The following MRPL17 variants were observed in gnomAD, a reference collection of about 807,000 sequenced individuals.
MRPL17 encodes the protein large ribosomal subunit protein bL17m.
MRPL17 carries 8 observed loss-of-function variants against 12.0 expected under a neutral mutation model. The ratio of observed to expected loss-of-function variants is 0.67; its 90% CI spans 0.39 to 1.21. The LOEUF (loss-of-function observed/expected upper bound fraction) is 1.21. Ranked by LOEUF, MRPL17 falls within the 50% of genes most tolerant of loss-of-function variation. MRPL17 has a pLI of 0.01. For missense variants in MRPL17, 263 were observed against 234.4 expected, an observed-to-expected ratio of 1.12 and a Z score of -0.80; for synonymous variants, 107 against 92.9, an observed-to-expected ratio of 1.15 and a Z score of -0.87.
In MRPL17 at chr11:6,680,431, G is replaced by A. The variant is rs1378764998; in HGVS notation, c.*1687C>T. Among the ~76,000 whole-genome samples the A allele has an allele frequency of 6.6e-6, 1 of 152,216 alleles. No individual in the cohort carries two copies. Among genetic ancestry groups the A allele is most frequent in the Non-Finnish European group, 1.5e-5 (1 of 68,026 alleles). The stretch of plus-strand genomic sequence containing the variant: ...AGCAGTGTCCCTTGAGGCCACTGTG[G>A]TAGTGGCAGTGGCCTGTTATTGTGA... On this transcript the variant is annotated 3_prime_UTR_variant, in exon 3 of 3. Coordinates refer to ENST00000288937, the MANE Select transcript of MRPL17 (RefSeq NM_022061.4).
intron 1 of MRPL17, 127 bp from the exon 2 acceptor site, chr11:6,682,942 C>T (rs1218258222): frequency 6.3e-6 from 8 of 1,261,554 alleles, no homozygotes; most frequent in Non-Finnish European, 6.7e-6. Flanking sequence ...CCACCCCTAA[C>T]TCCGCAGCCC....
At chr11:6,682,592 G>A (rs1490269209) in intron 2 of MRPL17, among the ~76,000 whole-genome samples, 155 bp downstream of exon 2, 1 of 152,120 alleles carries the variant, frequency 6.6e-6, no homozygotes, top group Admixed American at 6.5e-5. Context: ...TATTCACATC[G>A]ACTTCAACTA....
chr11:6,682,709 A>C (rs1252021648), intron 2 of MRPL17, 38 bp downstream of exon 2: 1 of 1,598,360 alleles, frequency 6.3e-7, no homozygotes, highest in African/African-American at 1.3e-5. Flanking sequence ...CCCAGGGAGC[A>C]AAGGGTGGGA....
In MRPL17 at chr11:6,682,088, G is replaced by A. The variant is rs377743005; in HGVS notation, c.*30C>T. The A allele has an allele frequency of 6.3e-7, 1 of 1,588,498 alleles. No individual in the cohort carries two copies. On this transcript the variant is annotated 3_prime_UTR_variant, in exon 3 of 3. Coordinates refer to ENST00000288937, the MANE Select transcript of MRPL17 (RefSeq NM_022061.4). ...CCAAAGGCCTGTGATCATGGGTACT[G>A]ATTAAGGGCTGCAGACTCTTCAGAT...
In MRPL17 at chr11:6,682,174, G is replaced by T; in HGVS notation, c.472C>A (p.Gln158Lys). ...CTGTGGTTGCTTGCTTCCTGGCTTT[G>T]CCTGAGGTCCTGCCGCAAACCCTGC... ...LLQGLRQDLR[Q>K]SQEASNHSSH... Residue 158 changes from glutamine (Q) to lysine (K), a missense_variant, in exon 3 of 3, where the codon CAA becomes AAA. By Grantham distance (53) the Gln-to-Lys change is moderately conservative (BLOSUM62 1). Coordinates refer to ENST00000288937, the MANE Select transcript of MRPL17 (RefSeq NM_022061.4). 2 of 1,614,136 alleles carry T rather than the reference G, an allele frequency of 1.2e-6. No individual in the cohort carries two copies. The highest frequency in any genetic ancestry group is 1.7e-6 in the Non-Finnish European group (2 of 1,180,016).
In MRPL17 at chr11:6,682,296, C is replaced by G. The variant is rs555831023; in HGVS notation, c.350G>C (p.Arg117Pro). 3 of 1,614,004 alleles carry G rather than the reference C, an allele frequency of 1.9e-6. No homozygotes were observed. The highest frequency in any genetic ancestry group is 2.7e-5 in the African/African-American group (2 of 74,878). The change falls in exon 3 of 3, where the codon CGG becomes CCG. Residue 117 changes from arginine (R) to proline (P), a missense_variant. Physicochemically the swap from Arg to Pro is moderately radical, Grantham distance 103. Coordinates refer to ENST00000288937, the MANE Select transcript of MRPL17 (RefSeq NM_022061.4). The stretch of plus-strand genomic sequence containing the variant: ...ATACTCGATCACTGCCATCTTGGCC[C>G]GATCCAAACTCCGATTTGGGATCTG... ...MLQIPNRSLD[R>P]AKMAVIEYKG...
chr11:6,681,372 C>A lies in MRPL17; in HGVS notation c.*746G>T, dbSNP rs545978432. The A allele has an allele frequency of 5.3e-5, 8 of 152,332 alleles. No homozygotes were observed. In the East Asian group the frequency reaches 1.5e-3, roughly 29 times the overall value. The allele number at this position is 152,332 out of a possible 1,614,324, so 9.4% of individuals were successfully genotyped here. A position where few individuals can be genotyped will look rare whatever the true frequency, so the allele number is the denominator to read the frequency against. On this transcript the variant is annotated 3_prime_UTR_variant, in exon 3 of 3. Transcript: ENST00000288937. ...AGGTTTAATTTCCTAATCCTTCTCT[C>A]GCATAGACCCTCTTTCTTACCCCTT...
chr11:6,682,055 A>T lies in MRPL17; in HGVS notation c.*63T>A. On this transcript the variant is annotated 3_prime_UTR_variant, in exon 3 of 3. Transcript: ENST00000288937. Reference sequence around the variant, plus strand: ...TAGCTCCAGTTCTTCTCAGAGAGTAAAAGTGCTCCAAAGGCCTGTGATCAT... The same window carrying T: ...TAGCTCCAGTTCTTCTCAGAGAGTATAAGTGCTCCAAAGGCCTGTGATCAT... 2.0e-6 allele frequency: 3 copies of T among 1,536,338 alleles called. No homozygotes were observed. Among genetic ancestry groups the T allele is most frequent in the Non-Finnish European group, 1.8e-6 (2 of 1,138,466 alleles).
Position 6,682,190 on chromosome 11 carries a change from C to T in MRPL17, c.456G>A (p.Leu152=). 6.2e-7 allele frequency: 1 copy of T among 1,614,156 alleles called. No individual in the cohort carries two copies. Among genetic ancestry groups the T allele is most frequent in the South Asian group, 1.1e-5 (1 of 91,080 alleles). ...CCTGGCTTTGCCTGAGGTCCTGCCG[C>T]AAACCCTGCAGCAGCTGGTTTAGGA... ...LTLLNQLLQG[L]RQDLRQSQEA... Residue 152 remains leucine (L), a synonymous_variant, in exon 3 of 3, where the codon TTG becomes TTA. Transcript: ENST00000288937.
chr11:6,682,124 C>A lies in MRPL17; in HGVS notation c.522G>T (p.Gly174=), dbSNP rs1223113505. The part of the protein sequence containing the change: ...NHSSHTAQTP[G]I ...GCAGACTCTTCAGATCCAGTTAAAT[C>A]CCTGGTGTTTGAGCTGTGTGGGAGC... is the stretch of plus-strand genomic sequence containing the variant. The change falls in exon 3 of 3, where the codon GGG becomes GGT. Residue 174 remains glycine (G), a synonymous_variant. Coordinates refer to ENST00000288937, the MANE Select transcript of MRPL17 (RefSeq NM_022061.4). 11 of 1,610,388 alleles carry A rather than the reference C, an allele frequency of 6.8e-6. No individual in the cohort carries two copies. The highest frequency in any genetic ancestry group is 6.7e-5 in the Admixed American group (4 of 59,910).
rs774823017 is a variant in MRPL17 at position 6,683,159 on chromosome 11, C to T, written c.138G>A (p.Trp46Ter). 2 of 1,614,154 alleles carry T rather than the reference C, an allele frequency of 1.2e-6. No homozygotes were observed. Among genetic ancestry groups the T allele is most frequent in the African/African-American group, 1.3e-5 (1 of 75,066 alleles). The stretch of plus-strand genomic sequence containing the variant: ...AGCCCCTCATTTCGTCCACACGCGC[C>T]CATGGTGCCTCGATGCGTTCGTGCC... The part of the protein sequence containing the change: ...LVRHERIEAP[W>*]ARVDEMRGYA... Residue 46 changes from tryptophan to a stop codon, truncating the protein, a stop_gained, in exon 1 of 3, where the codon TGG (tryptophan) becomes TGA (stop). Transcript: ENST00000288937. LOFTEE classifies it high-confidence loss of function.
rs751550929 is a variant in MRPL17 at position 6,683,198 on chromosome 11, G to A, written c.99C>T (p.Leu33=). Reference sequence around the variant, plus strand: ...TGCGTTCGTGCCGCACCAGCCCTGTGAGCAAGTTCCGCAACAGATGGATGC... The same window carrying A: ...TGCGTTCGTGCCGCACCAGCCCTGTAAGCAAGTTCCGCAACAGATGGATGC... ...ESRIHLLRNL[L]TGLVRHERIE... is the part of the protein sequence containing the mutation. The change falls in exon 1 of 3, where the codon CTC becomes CTT. Residue 33 remains leucine, a synonymous_variant. Transcript: ENST00000288937. The A allele has an allele frequency of 2.5e-6, 4 of 1,614,212 alleles. No homozygotes were observed. The highest frequency in any genetic ancestry group is 3.4e-6 in the Non-Finnish European group (4 of 1,180,042).
intron 1 of MRPL17, 141 bp from the exon 2 acceptor site, chr11:6,682,956 C>G: frequency 7.9e-7 from 1 of 1,270,184 alleles, no homozygotes; most frequent in Non-Finnish European, 1.1e-6. Context: ...GCAGCCCTAA[C>G]CAGTCTTCCA....
chr11:6,682,017 C>G lies in MRPL17; in HGVS notation c.*101G>C, dbSNP rs1004586642. The G allele has an allele frequency of 3.6e-5, 52 of 1,434,264 alleles. No homozygotes were observed. Among genetic ancestry groups the G allele is most frequent in the Non-Finnish European group, 4.8e-5 (51 of 1,061,282 alleles). The allele number at this position is 1,434,264 out of a possible 1,614,324, so 88.8% of individuals were successfully genotyped here. A position where few individuals can be genotyped will look rare whatever the true frequency, so the allele number is the denominator to read the frequency against. Reference sequence around the variant, plus strand: ...GGTTCTCAACCCCATCAAGACTGTCCATTTTACATCTCTAGCTCCAGTTCT... The same window carrying G: ...GGTTCTCAACCCCATCAAGACTGTCGATTTTACATCTCTAGCTCCAGTTCT... On this transcript the variant is annotated 3_prime_UTR_variant, in exon 3 of 3. Coordinates refer to ENST00000288937, the MANE Select transcript of MRPL17 (RefSeq NM_022061.4).
rs933913770 is a variant in MRPL17 at position 6,682,033 on chromosome 11, C to T, written c.*85G>A. 1 of 1,493,534 alleles carries T rather than the reference C, an allele frequency of 6.7e-7. No homozygotes were observed. The highest frequency in any genetic ancestry group is 1.4e-5 in the African/African-American group (1 of 71,534). 92.5% of individuals were successfully genotyped at this position (1,493,534 alleles called of 1,614,324 possible). ...AAGACTGTCCATTTTACATCTCTAGCTCCAGTTCTTCTCAGAGAGTAAAAG... is the reference window on the plus strand; with the variant it reads ...AAGACTGTCCATTTTACATCTCTAGTTCCAGTTCTTCTCAGAGAGTAAAAG... On this transcript the variant is annotated 3_prime_UTR_variant, in exon 3 of 3. Coordinates refer to ENST00000288937, the MANE Select transcript of MRPL17 (RefSeq NM_022061.4).
chr11:6,682,520 C>G (rs1032457075), intron 2 of MRPL17, 118 bp from the exon 3 acceptor site: 1 of 1,235,024 alleles, frequency 8.1e-7, no homozygotes, highest in Non-Finnish European at 1.1e-6. Context: ...CCCCTCCCCT[C>G]GCCAATCTGG....
At position 6,682,014 on chromosome 11, in the gene MRPL17, G is replaced by C; in HGVS notation, c.*104C>G. 4 of 1,417,254 alleles carry C rather than the reference G, an allele frequency of 2.8e-6. No individual in the cohort carries two copies. Among genetic ancestry groups the C allele is most frequent in the Non-Finnish European group, 3.8e-6 (4 of 1,046,212 alleles). The allele number at this position is 1,417,254 out of a possible 1,614,324, so 87.8% of individuals were successfully genotyped here. On this transcript the variant is annotated 3_prime_UTR_variant, in exon 3 of 3. Transcript: ENST00000288937. ...GAAGGTTCTCAACCCCATCAAGACT[G>C]TCCATTTTACATCTCTAGCTCCAGT...
chr11:6,681,654 C>G lies in MRPL17; in HGVS notation c.*464G>C, dbSNP rs12283996. 17,782 of 152,300 alleles carry G rather than the reference C, an allele frequency of 0.12. 1,430 individuals carry two copies. The highest frequency in any genetic ancestry group is 0.23 in the African/African-American group (9,703 of 41,474). 9.4% of individuals were successfully genotyped at this position (152,300 alleles called of 1,614,324 possible). On this transcript the variant is annotated 3_prime_UTR_variant, in exon 3 of 3. Transcript: ENST00000288937. ...TCACTTGCAGATTGTCACTCCCCTA[C>G]CCCTGTCAGGAAGTAATCTTTCTCT... is the stretch of plus-strand genomic sequence containing the variant.
Position 6,682,156 on chromosome 11 carries a change from T to A in MRPL17, c.490A>T (p.Asn164Tyr). 6.2e-7 allele frequency: 1 copy of A among 1,613,966 alleles called. No homozygotes were observed. The highest frequency in any genetic ancestry group is 1.3e-5 in the African/African-American group (1 of 75,024). ...QDLRQSQEAS[N>Y]HSSHTAQTPG... ...GTTTGAGCTGTGTGGGAGCTGTGGT[T>A]GCTTGCTTCCTGGCTTTGCCTGAGG... The change falls in exon 3 of 3, where the codon AAC (asparagine) becomes TAC (tyrosine). Residue 164 changes from asparagine (N) to tyrosine (Y), a missense_variant. Coordinates refer to ENST00000288937, the MANE Select transcript of MRPL17 (RefSeq NM_022061.4).
Sources: allele counts gnomAD v4.1 joint callset (sites outside exome capture counted in the v4.1 genomes callset), GRCh38; gene constraint gnomAD v4.1.1; transcripts MANE v1.5; gene names NCBI Gene and HGNC (gene_info 2026-07-23, HGNC 2026-07-21).